The following COL28A1 variants were observed in gnomAD, a reference collection of about 807,000 sequenced individuals.
COL28A1 encodes collagen alpha-1(XXVIII) chain.
A neutral mutation model predicts 150.2 loss-of-function variants in COL28A1; 161 were observed. The ratio of observed to expected loss-of-function variants is 1.07; its 90% CI spans 0.94 to 1.22. COL28A1 has a LOEUF of 1.22. Ranked by LOEUF, COL28A1 falls within the 50% of genes most tolerant of loss-of-function variation. The pLI is 0.00. For synonymous variants in COL28A1, 552 were observed against 469.7 expected (o/e 1.18, Z -2.26); for missense variants, 1,617 against 1,388.3 (o/e 1.16, Z -2.62).
At chr7:7,464,332 C>T (rs371151060) in intron 15 of COL28A1, among the ~76,000 whole-genome samples, 2 of 152,266 alleles carry the variant, frequency 1.3e-5, no homozygotes. Context: ...ACTTACAGAA[C>T]ATTCTACCCA....
chr7:7,513,391 C>T (rs1284551732), intron 8 of COL28A1, among the ~76,000 whole-genome samples: 1 of 152,198 alleles, frequency 6.6e-6, no homozygotes, highest in Non-Finnish European at 1.5e-5. Context: ...AGTCACTTTC[C>T]ATTAACCTGA....
intron 6 of COL28A1, among the ~76,000 whole-genome samples, chr7:7,519,151 C>A (rs953871460): frequency 1.3e-5 from 2 of 152,106 alleles, no homozygotes; most frequent in African/African-American, 4.8e-5. Flanking sequence ...CTGGGGAGAC[C>A]TCATAATCAT....
At chr7:7,507,690 T>G (rs1780888514) in intron 9 of COL28A1, among the ~76,000 whole-genome samples, 1 of 152,188 alleles carries the variant, frequency 6.6e-6, no homozygotes, top group Non-Finnish European at 1.5e-5. Flanking sequence ...CATAGTCTAG[T>G]TTTTATTTCC....
intron 18 of COL28A1, 144 bp from the exon 19 acceptor site, chr7:7,444,633 A>G (rs113569989): frequency 1.3e-5 from 10 of 763,000 alleles, no homozygotes; most frequent in African/African-American, 5.3e-5. Context: ...GATCTTGGGA[A>G]GCTACTTAAC....
chr7:7,528,857 A>G (rs1449064020), intron 3 of COL28A1, among the ~76,000 whole-genome samples: 4 of 152,218 alleles, frequency 2.6e-5, no homozygotes, highest in Non-Finnish European at 5.9e-5. Context: ...TGTGCCCTTT[A>G]AGTTAATGCA....
chr7:7,379,525 C>A (rs1781748568), intron 30 of COL28A1, among the ~76,000 whole-genome samples: 1 of 152,096 alleles, frequency 6.6e-6, no homozygotes, highest in South Asian at 2.1e-4. Flanking sequence ...TCTTTGTTGT[C>A]TTTCTCTCCA....
Position 7,471,383 on chromosome 7 carries a change from T to C in COL28A1, c.1302+3218A>G, listed in dbSNP as rs190055313. Reference sequence around the variant, plus strand: ...GAATCATTCTATGAAGCCAGTATCATCCTAATACCAAAACCAGGAAAGGAC... The same window carrying C: ...GAATCATTCTATGAAGCCAGTATCACCCTAATACCAAAACCAGGAAAGGAC... On this transcript the variant is annotated intron_variant, in intron 15 of 34. Coordinates refer to ENST00000399429, the MANE Select transcript of COL28A1 (RefSeq NM_001037763.3). 4.7e-3 allele frequency among the ~76,000 whole-genome samples: 708 copies of C among 152,182 alleles called. 5 individuals are homozygous for C. The highest frequency in any genetic ancestry group is 0.022 in the East Asian group (115 of 5,170).
chr7:7,455,705 G>A (rs1467031826), intron 16 of COL28A1, among the ~76,000 whole-genome samples: 1 of 152,060 alleles, frequency 6.6e-6, no homozygotes, highest in African/African-American at 2.4e-5. Flanking sequence ...AAGCTTCAAG[G>A]AGAAAAAAAT....
chr7:7,459,885 C>A (rs192116824), intron 15 of COL28A1, among the ~76,000 whole-genome samples: 2 of 152,334 alleles, frequency 1.3e-5, no homozygotes, highest in African/African-American at 4.8e-5. Context: ...ATAATTATAT[C>A]TGAGCACAGA....
chr7:7,363,721 TTCTATGC>T (rs1780790609), intron 33 of COL28A1, among the ~76,000 whole-genome samples: 2 of 152,294 alleles, frequency 1.3e-5, no homozygotes, highest in East Asian at 3.9e-4. Context: ...ATGTTCAGTT[TTCTATGC>T]TCTATGCTAT....
the COL28A1 span, among the ~76,000 whole-genome samples, chr7:7,344,876 T>C: frequency 6.6e-6 from 1 of 152,250 alleles, no homozygotes. Flanking sequence ...ATCATTTAGA[T>C]GCTCCTTTTC....
At chr7:7,489,896 T>C (rs1779824427) in intron 12 of COL28A1, among the ~76,000 whole-genome samples, 1 of 149,736 alleles carries the variant, frequency 6.7e-6, no homozygotes, top group Non-Finnish European at 1.5e-5. Context: ...AACTTCTCCA[T>C]AACTCTGCCA....
chr7:7,474,742 C>T, intron 14 of COL28A1, 73 bp from the exon 15 acceptor site: 1 of 792,912 alleles, frequency 1.3e-6, no homozygotes, highest in South Asian at 1.5e-5. Flanking sequence ...ATTACAAATA[C>T]TATGAATTGT....
chr7:7,352,912 G>A (rs1223353356), downstream of COL28A1, among the ~76,000 whole-genome samples: 1 of 152,152 alleles, frequency 6.6e-6, no homozygotes, highest in East Asian at 1.9e-4. Flanking sequence ...TTAGTGTTGG[G>A]AGTGAGTGGA....
rs1781360103 is a variant in COL28A1 at position 7,373,660 on chromosome 7, T to G, written c.2360-114A>C. 1 of 819,926 alleles carries G rather than the reference T, an allele frequency of 1.2e-6. No individual in the cohort carries two copies. The allele number at this position is 819,926 out of a possible 1,614,324, so 50.8% of individuals were successfully genotyped here. A position where few individuals can be genotyped will look rare whatever the true frequency, so the allele number is the denominator to read the frequency against. On this transcript the variant is annotated intron_variant, in intron 31 of 34. Coordinates refer to ENST00000399429, the MANE Select transcript of COL28A1 (RefSeq NM_001037763.3). The surrounding 1 kb of genome is among the most constrained non-coding windows in gnomAD (Gnocchi z 4.1). The stretch of plus-strand genomic sequence containing the variant: ...TGAGACCTAAACTATTCTCTTCCTT[T>G]TCTGTGATTGTGAAAATACCTGACA...
chr7:7,542,676 A>G, the COL28A1 span, among the ~76,000 whole-genome samples: 1 of 152,226 alleles, frequency 6.6e-6, no homozygotes. Flanking sequence ...TTATCTTGAA[A>G]GCAACGGGAG....
chr7:7,438,888 C>T (rs1389282313), intron 21 of COL28A1, among the ~76,000 whole-genome samples: 2 of 152,174 alleles, frequency 1.3e-5, no homozygotes, highest in Non-Finnish European at 2.9e-5. Flanking sequence ...GGTCATTATA[C>T]AAATAACTAA....
At chr7:7,448,768 CA>C (rs1786463530) in intron 18 of COL28A1, among the ~76,000 whole-genome samples, 1 of 151,700 alleles carries the variant, frequency 6.6e-6, no homozygotes, top group Non-Finnish European at 1.5e-5. Context: ...TACTATTCAG[CA>C]ATACAAAGGA....
At chr7:7,374,015 C>G (rs1583236635) in intron 31 of COL28A1, among the ~76,000 whole-genome samples, 1 of 95,704 alleles carries the variant, frequency 1.0e-5, no homozygotes, top group Non-Finnish European at 1.8e-5. Flanking sequence ...GGTTTCTATA[C>G]TTGACTCTTA....
Sources: gnomAD v4.1 joint callset for allele counts (sites outside exome capture counted in the v4.1 genomes callset) on GRCh38, gnomAD v4.1.1 for gene constraint, Gnocchi (gnomAD v3.1) non-coding constraint, MANE v1.5 for transcripts, NCBI Gene and HGNC (gene_info 2026-07-23, HGNC 2026-07-21) for gene names.